The following DMD variants were observed in gnomAD, a reference collection of about 807,000 sequenced individuals.
The protein encoded by DMD is mutant dystrophin.
A neutral mutation model predicts 330.1 loss-of-function variants in DMD; 63 were observed. The ratio of observed to expected loss-of-function variants is 0.19; its 90% CI spans 0.16 to 0.24. The LOEUF (loss-of-function observed/expected upper bound fraction) is 0.24. Among genes scored for constraint, DMD ranks in the 10% least tolerant of loss-of-function variants. The pLI, the probability that DMD is intolerant of heterozygous loss-of-function variation, is 1.00. For missense variants in DMD, 3,344 were observed against 2,684.1 expected, an observed-to-expected ratio of 1.25 and a Z score of -5.43; for synonymous variants, 1,223 against 959.8, an observed-to-expected ratio of 1.27 and a Z score of -5.07.
In DMD at chrX:33,073,832, CAAATAAATAAATAAAT is replaced by C. The variant is rs5902051; in HGVS notation, c.32-53648_32-53633del. On this transcript the variant is annotated intron_variant, in intron 1 of 78. Transcript: ENST00000357033. ...GGACAACGAGAGCAAAACTCTGTCT[CAAATAAATAAATAAAT>C]AAATAAATAAATAAATAAATAAATA... 7.7e-3 allele frequency among the ~76,000 whole-genome samples: 764 copies of C among 99,301 alleles called. 10 individuals are homozygous for C. The highest frequency in any genetic ancestry group is 0.027 in the African/African-American group (723 of 26,852). The allele number at this position is 99,301 out of a possible 115,157, so 86.2% of individuals were successfully genotyped here.
intron 4 of DMD, among the ~76,000 whole-genome samples, chrX:32,840,123 G>A (rs903292760): frequency 8.9e-6 from 1 of 111,922 alleles, no homozygotes; most frequent in Non-Finnish European, 1.9e-5. Context: ...GTCCTCTAAC[G>A]CATAGGCCAG....
intron 2 of DMD, among the ~76,000 whole-genome samples, chrX:32,967,574 C>T (rs768555811): frequency 3.6e-5 from 4 of 111,329 alleles, no homozygotes; most frequent in African/African-American, 9.8e-5. Flanking sequence ...TTCTAGCCTT[C>T]CCCGCAGTGG....
chrX:31,294,511 C>T (rs2148023502), intron 62 of DMD, among the ~76,000 whole-genome samples: 1 of 111,910 alleles, frequency 8.9e-6, no homozygotes, highest in Non-Finnish European at 1.9e-5. Context: ...TTACTTTCCC[C>T]TTTTGGACTT....
chrX:31,535,021 A>G (rs1343823367), intron 55 of DMD, among the ~76,000 whole-genome samples: 8 of 77,594 alleles, frequency 1.0e-4, no homozygotes, highest in African/African-American at 4.2e-4. Context: ...TTCCATGCTC[A>G]TGGGTAGGAA....
At chrX:31,299,607 C>G (rs2054475738) in intron 62 of DMD, among the ~76,000 whole-genome samples, 1 of 109,622 alleles carries the variant, frequency 9.1e-6, no homozygotes, top group South Asian at 4.0e-4. Flanking sequence ...GAAACCCTGT[C>G]TCTACTAAAA....
At chrX:32,294,430 C>T (rs1181217377) in intron 42 of DMD, among the ~76,000 whole-genome samples, 2 of 111,390 alleles carry the variant, frequency 1.8e-5, no homozygotes, top group South Asian at 3.8e-4. Flanking sequence ...TGTGTTTGTG[C>T]GTATGTGTGT....
chrX:31,907,094 AGT>A (rs2094487197), intron 47 of DMD, among the ~76,000 whole-genome samples: 1 of 112,171 alleles, frequency 8.9e-6, no homozygotes, highest in Admixed American at 9.5e-5. Context: ...TAAGTACCTG[AGT>A]ACTGAAGCCA....
intron 51 of DMD, among the ~76,000 whole-genome samples, chrX:31,749,435 T>C (rs1475500036): frequency 1.9e-5 from 2 of 103,554 alleles, no homozygotes; most frequent in African/African-American, 7.0e-5. Context: ...AGAATGATGA[T>C]TTCCAATTTC....
intron 19 of DMD, among the ~76,000 whole-genome samples, chrX:32,498,023 T>C (rs1029353401): frequency 2.7e-5 from 3 of 111,926 alleles, no homozygotes; most frequent in Admixed American, 9.5e-5. Flanking sequence ...CTTAAAGTTA[T>C]ATCACATCTT....
chrX:32,080,744 TCA>T (rs1285488011), intron 44 of DMD, among the ~76,000 whole-genome samples: 1 of 111,529 alleles, frequency 9.0e-6, no homozygotes, highest in African/African-American at 3.3e-5. Flanking sequence ...CCTTCAGCTC[TCA>T]GTTTTAGGGG....
intron 49 of DMD, among the ~76,000 whole-genome samples, chrX:31,831,683 C>A (rs1026265440): frequency 8.0e-4 from 89 of 111,366 alleles, no homozygotes; most frequent in Non-Finnish European, 1.3e-3. Context: ...ACTGCAAGCT[C>A]TGCCTCCCGG....
At chrX:32,869,173 C>A (rs1156418183) in intron 2 of DMD, among the ~76,000 whole-genome samples, 2 of 111,006 alleles carry the variant, frequency 1.8e-5, no homozygotes, top group Non-Finnish European at 1.9e-5. Context: ...AGAAGAGGGA[C>A]CTGTTAAAAA....
intron 2 of DMD, among the ~76,000 whole-genome samples, chrX:32,995,282 G>A (rs73621853): frequency 1.4e-3 from 153 of 112,066 alleles, no homozygotes; most frequent in Middle Eastern, 4.6e-3. Context: ...CTTAAATGCC[G>A]TATAAAGCAC....
chrX:33,087,696 A>T (rs1341284030), intron 1 of DMD, among the ~76,000 whole-genome samples: 1 of 112,052 alleles, frequency 8.9e-6, no homozygotes, highest in Non-Finnish European at 1.9e-5. Context: ...GATAAAACAG[A>T]TCTTTCTTCA....
At chrX:32,110,804 A>G (rs1361461636) in intron 44 of DMD, among the ~76,000 whole-genome samples, 1 of 112,121 alleles carries the variant, frequency 8.9e-6, no homozygotes, top group East Asian at 2.8e-4. Context: ...TTTACCACCT[A>G]TAATTCTGTA....
At chrX:31,830,137 G>T (rs1458078177) in intron 49 of DMD, among the ~76,000 whole-genome samples, 1 of 112,465 alleles carries the variant, frequency 8.9e-6, no homozygotes, top group African/African-American at 3.2e-5. Context: ...TAATTAAAAA[G>T]GGAGGCAAAG....
intron 47 of DMD, among the ~76,000 whole-genome samples, chrX:31,916,411 T>C (rs1392785716): frequency 8.9e-6 from 1 of 112,143 alleles, no homozygotes; most frequent in South Asian, 3.7e-4. Flanking sequence ...AGTTAAGAGT[T>C]CTTAAATAAT....
intron 15 of DMD, among the ~76,000 whole-genome samples, chrX:32,572,470 G>A (rs962350691): frequency 1.2e-4 from 13 of 109,615 alleles, no homozygotes; most frequent in South Asian, 7.8e-4. Context: ...AATATGTCAC[G>A]TGAAAAATTA....
At chrX:33,228,188 T>C (rs1304732944) in intron 1 of DMD, among the ~76,000 whole-genome samples, 1 of 110,622 alleles carries the variant, frequency 9.0e-6, no homozygotes. Flanking sequence ...GAAAATCTTA[T>C]GGTGAATCTT....
Sources: allele counts gnomAD v4.1 joint callset (sites outside exome capture counted in the v4.1 genomes callset), GRCh38; gene constraint gnomAD v4.1.1; transcripts MANE v1.5; gene names NCBI Gene and HGNC (gene_info 2026-07-23, HGNC 2026-07-21).